The following UNC13C variants were observed in gnomAD, a reference collection of about 807,000 sequenced individuals.
UNC13C encodes the protein protein unc-13 homolog C.
A neutral mutation model predicts 245.4 loss-of-function variants in UNC13C; 174 were observed. The ratio of observed to expected loss-of-function variants is 0.71; its 90% CI spans 0.63 to 0.80. The LOEUF (loss-of-function observed/expected upper bound fraction) is 0.80. Among genes scored for constraint, UNC13C ranks in the 30% least tolerant of loss-of-function variants. UNC13C has a pLI of 0.00. For synonymous variants in UNC13C, 992 were observed against 895.1 expected (o/e 1.11, Z -1.93); for missense variants, 2,829 against 2,602.9 (o/e 1.09, Z -1.89).
chr15:53,908,564 C>G, the UNC13C span, among the ~76,000 whole-genome samples: 4 of 143,534 alleles, frequency 2.8e-5, 1 homozygote, highest in African/African-American at 1.0e-4. Flanking sequence ...CATGGAAAAC[C>G]TTGTCTCTAC....
At position 54,500,166 on chromosome 15, in the gene UNC13C, A is replaced by C. The variant is rs779634605; in HGVS notation, c.5148A>C (p.Lys1716Asn). The C allele has an allele frequency of 1.2e-6, 2 of 1,609,046 alleles. No homozygotes were observed. The highest frequency in any genetic ancestry group is 1.7e-6 in the Non-Finnish European group (2 of 1,177,882). Residue 1716 changes from lysine (K) to asparagine (N), a missense_variant, in exon 21 of 33, where the codon AAA (lysine) becomes AAC (asparagine). By Grantham distance (94) the Lys-to-Asn change is moderately conservative (BLOSUM62 0). Transcript: ENST00000260323. Reference protein sequence around the residue: ...EFLHGALGRDKKDGFQQTSEH... With the variant: ...EFLHGALGRDNKDGFQQTSEH... ...TTCATGGAGCACTGGGAAGAGACAA[A>C]AAAGATGGAGTGAGTTTAAATTACC... is the stretch of plus-strand genomic sequence containing the variant.
chr15:54,069,527 G>A (rs1898222702), intron 2 of UNC13C, among the ~76,000 whole-genome samples: 1 of 152,186 alleles, frequency 6.6e-6, no homozygotes, highest in Non-Finnish European at 1.5e-5. Flanking sequence ...TTGCTCTCAT[G>A]TATATATTGA....
chr15:54,626,538 G>T (rs1262532341), intron 32 of UNC13C, among the ~76,000 whole-genome samples: 2 of 152,074 alleles, frequency 1.3e-5, no homozygotes, highest in Non-Finnish European at 1.5e-5. Flanking sequence ...TAGCCCCCAT[G>T]ACCCCTTTCC....
intron 23 of UNC13C, among the ~76,000 whole-genome samples, chr15:54,511,362 A>T (rs949543276): frequency 6.7e-6 from 1 of 148,864 alleles, no homozygotes. Context: ...CATTTAAAAA[A>T]TCACATGGTA....
intron 18 of UNC13C, among the ~76,000 whole-genome samples, chr15:54,413,199 A>G (rs1356600365): frequency 6.6e-6 from 1 of 151,996 alleles, no homozygotes; most frequent in Non-Finnish European, 1.5e-5. Context: ...TTTTACATCT[A>G]TGTTTATAAG....
chr15:54,015,780 A>G lies in UNC13C; in HGVS notation c.2877A>G (p.Pro959=). ...AAAACCAAAACATTCCTGAACAGCC[A>G]GTGGAGATCACAAAGCCAAAGAGAA... ...EDENQNIPEQ[P]VEITKPKRIR... Residue 959 remains proline (P), a synonymous_variant, in exon 2 of 33, where the codon CCA becomes CCG. Transcript: ENST00000260323. 2 of 1,612,486 alleles carry G rather than the reference A, an allele frequency of 1.2e-6. No homozygotes were observed. Among genetic ancestry groups the G allele is most frequent in the Non-Finnish European group, 1.7e-6 (2 of 1,179,108 alleles).
At chr15:53,840,764 A>C in the UNC13C span, among the ~76,000 whole-genome samples, 1 of 152,158 alleles carries the variant, frequency 6.6e-6, no homozygotes, top group Non-Finnish European at 1.5e-5. Flanking sequence ...AAAGAGAAAC[A>C]GATGTAAATA....
At chr15:54,563,205 A>T (rs997218719) in intron 29 of UNC13C, among the ~76,000 whole-genome samples, 1 of 152,012 alleles carries the variant, frequency 6.6e-6, no homozygotes, top group Admixed American at 6.6e-5. Context: ...AAATTTTGTC[A>T]TCCAATGTAA....
intron 4 of UNC13C, among the ~76,000 whole-genome samples, chr15:54,205,954 C>T (rs2034696244): frequency 6.6e-6 from 1 of 151,986 alleles, no homozygotes. Context: ...TCTAAGCACA[C>T]ATTTCTCTAG....
At chr15:54,541,129 G>A (rs543348646) in intron 26 of UNC13C, among the ~76,000 whole-genome samples, 1 of 152,130 alleles carries the variant, frequency 6.6e-6, no homozygotes, top group South Asian at 2.1e-4. Context: ...TCTTTATCCA[G>A]AGAAGGTTGC....
At chr15:53,839,918 C>T in the UNC13C span, among the ~76,000 whole-genome samples, 4 of 152,094 alleles carry the variant, frequency 2.6e-5, no homozygotes, top group African/African-American at 9.7e-5. Context: ...TATCACCAGT[C>T]TCTCATTTTG....
intron 2 of UNC13C, among the ~76,000 whole-genome samples, chr15:54,079,388 GT>G (rs990846009): frequency 6.6e-5 from 10 of 151,476 alleles, no homozygotes; most frequent in Non-Finnish European, 1.2e-4. Flanking sequence ...TGAATTTTTA[GT>G]TTTTTTTATG....
At chr15:54,592,444 CA>C (rs1379744499) in intron 30 of UNC13C, among the ~76,000 whole-genome samples, 1 of 152,116 alleles carries the variant, frequency 6.6e-6, no homozygotes, top group African/African-American at 2.4e-5. Flanking sequence ...TTTCCTAGGT[CA>C]ATTAGTAATT....
At position 54,622,349 on chromosome 15, in the gene UNC13C, G is replaced by A. The variant is rs1158175101; in HGVS notation, c.6129G>A (p.Val2043=). Residue 2043 remains valine, a synonymous_variant, in exon 31 of 33, where the codon GTG becomes GTA. Coordinates refer to ENST00000260323, the MANE Select transcript of UNC13C (RefSeq NM_001080534.3). ...TSQSRSSKDA[V]GQISVHVDIT... ...CAGGTCGTTCCTCCAAAGATGCCGTGGGTCAGATATCTGTTCATGTGGACA... is the reference window on the plus strand; with the variant it reads ...CAGGTCGTTCCTCCAAAGATGCCGTAGGTCAGATATCTGTTCATGTGGACA... 2 of 1,613,218 alleles carry A rather than the reference G, an allele frequency of 1.2e-6. No homozygotes were observed. Among genetic ancestry groups the A allele is most frequent in the Non-Finnish European group, 1.7e-6 (2 of 1,179,420 alleles).
chr15:54,132,052 G>A (rs147745248), intron 2 of UNC13C, among the ~76,000 whole-genome samples: 252 of 77,344 alleles, frequency 3.3e-3, no homozygotes, highest in African/African-American at 0.012. Flanking sequence ...AACTGTCATT[G>A]CAATTCAGTT....
the UNC13C span, among the ~76,000 whole-genome samples, chr15:53,846,958 G>GT: frequency 1.3e-5 from 2 of 152,094 alleles, no homozygotes; most frequent in Admixed American, 1.3e-4. Context: ...TCACAGTGTA[G>GT]GGCCCAACTG....
At chr15:54,261,989 A>G (rs993413149) in intron 8 of UNC13C, among the ~76,000 whole-genome samples, 1 of 152,224 alleles carries the variant, frequency 6.6e-6, no homozygotes, top group Non-Finnish European at 1.5e-5. Flanking sequence ...TAGATATTCT[A>G]TAATAACAGC....
chr15:53,934,994 A>G, the UNC13C span, among the ~76,000 whole-genome samples: 1 of 152,174 alleles, frequency 6.6e-6, no homozygotes, highest in East Asian at 1.9e-4. Flanking sequence ...CCCTAGCAGT[A>G]TATATTCTCA....
the UNC13C span, among the ~76,000 whole-genome samples, chr15:53,853,376 A>C: frequency 6.6e-6 from 1 of 152,160 alleles, no homozygotes; most frequent in South Asian, 2.1e-4. Flanking sequence ...ATGTATATGC[A>C]CCACATTTTC....
Sources: allele counts gnomAD v4.1 joint callset (sites outside exome capture counted in the v4.1 genomes callset), GRCh38; gene constraint gnomAD v4.1.1; transcripts MANE v1.5; gene names NCBI Gene and HGNC (gene_info 2026-07-23, HGNC 2026-07-21).